The following FAM221A variants were observed in gnomAD, a reference collection of about 807,000 sequenced individuals.
FAM221A encodes the protein family with sequence similarity 221 member A, also known as protein FAM221A.
Under a neutral mutation model 37.6 loss-of-function variants are expected in FAM221A, and 43 were observed. The ratio of observed to expected loss-of-function variants is 1.15; its 90% CI spans 0.90 to 1.48. FAM221A has a LOEUF of 1.48. Among genes scored for constraint, FAM221A ranks in the 40% most tolerant of loss-of-function variants. FAM221A has a pLI of 0.00. For synonymous variants in FAM221A, 135 were observed against 132.9 expected (o/e 1.02, Z -0.11); for missense variants, 361 against 361.5 (o/e 1.00, Z 0.01).
At chr7:23,684,861 G>A (rs975696207) in intron 2 of FAM221A, among the ~76,000 whole-genome samples, 189 bp downstream of exon 2, 2 of 152,178 alleles carry the variant, frequency 1.3e-5, no homozygotes, top group Admixed American at 6.5e-5. Flanking sequence ...CGAGGCCGGA[G>A]GACTGCTTGA....
intron 4 of FAM221A, among the ~76,000 whole-genome samples, chr7:23,696,336 T>G (rs1785058755): frequency 6.6e-6 from 1 of 152,208 alleles, no homozygotes; most frequent in African/African-American, 2.4e-5. Context: ...GGCAGGCAGA[T>G]CGCTTGAGCC....
intron 4 of FAM221A, chr7:23,693,827 T>A (rs1193781931): frequency 1.3e-5 from 2 of 152,196 alleles, no homozygotes; most frequent in African/African-American, 2.4e-5. Context: ...TCTACCATAT[T>A]CTTTATTTTT....
At chr7:23,686,221 T>C in intron 2 of FAM221A, 3 of 385,260 alleles carry the variant, frequency 7.8e-6, no homozygotes, top group Non-Finnish European at 1.5e-5. Context: ...AATCTCTGTA[T>C]AACTTATACA....
chr7:23,698,636 G>A (rs117262299), intron 5 of FAM221A, among the ~76,000 whole-genome samples: 3 of 152,314 alleles, frequency 2.0e-5, no homozygotes, highest in African/African-American at 4.8e-5. Flanking sequence ...CCAAAGAGGC[G>A]TAATCCAGTG....
intron 4 of FAM221A, chr7:23,692,187 A>G: frequency 1.0e-6 from 1 of 973,172 alleles, no homozygotes; most frequent in Non-Finnish European, 1.2e-6. Context: ...TTAAAGGTAG[A>G]TGGATCCTTC....
At position 23,691,492 on chromosome 7, in the gene FAM221A, A is replaced by C. The variant is rs150443288; in HGVS notation, c.533A>C (p.Gln178Pro). Residue 178 changes from glutamine (Q) to proline (P), a missense_variant, in exon 4 of 7, where the codon CAG becomes CCG. Gln to Pro is a moderately conservative substitution (Grantham distance 76). Coordinates refer to ENST00000344962, the MANE Select transcript of FAM221A (RefSeq NM_199136.5). ...GAAACTAAGCAAGAAAGATTGGCTC[A>C]GGAAAAACCAGTGGGACAGGACATT... Reference protein sequence around the residue: ...VVETKQERLAQEKPVGQDIPY... With the variant: ...VVETKQERLAPEKPVGQDIPY... 6.8e-6 allele frequency: 11 copies of C among 1,614,138 alleles called. No individual in the cohort carries two copies. In the African/African-American group the frequency reaches 1.5e-4, roughly 22 times the overall value.
intron 1 of FAM221A, 149 bp from the exon 2 acceptor site, chr7:23,684,350 A>T: frequency 3.2e-6 from 2 of 622,808 alleles, no homozygotes; most frequent in Non-Finnish European, 2.7e-6. Context: ...AACAGTTGTT[A>T]CAGAGACCCG....
intron 1 of FAM221A, among the ~76,000 whole-genome samples, chr7:23,681,344 T>C (rs1344946623): frequency 6.6e-6 from 1 of 152,202 alleles, no homozygotes; most frequent in South Asian, 2.1e-4. Context: ...ATTGTGGGCC[T>C]CCAGTTGACT....
At chr7:23,692,628 C>A in intron 4 of FAM221A, 1 of 983,418 alleles carries the variant, frequency 1.0e-6, no homozygotes, top group Non-Finnish European at 1.2e-6. Context: ...AGGCTTCAGC[C>A]ACCACGCCAG....
intron 1 of FAM221A, chr7:23,680,815 G>A (rs1193483073): frequency 1.3e-5 from 2 of 152,450 alleles, no homozygotes; most frequent in African/African-American, 4.8e-5. Flanking sequence ...TCCTGACCGA[G>A]GCTGGTGCAC....
Position 23,702,405 on chromosome 7 carries a change from AGTCT to A in FAM221A, c.*247_*250del, listed in dbSNP as rs1187940492. The stretch of plus-strand genomic sequence containing the variant: ...CTGACAAATGAGGTTATTTTATATG[AGTCT>A]GTCTGAGAGTACAGTAAATGTTTTT... On this transcript the variant is annotated 3_prime_UTR_variant, in exon 7 of 7. Coordinates refer to ENST00000344962, the MANE Select transcript of FAM221A (RefSeq NM_199136.5). 6 of 270,318 alleles carry A rather than the reference AGTCT, an allele frequency of 2.2e-5. No individual in the cohort carries two copies. The highest frequency in any genetic ancestry group is 1.2e-4 in the South Asian group (1 of 8,220). The allele number at this position is 270,318 out of a possible 1,614,324, so 16.7% of individuals were successfully genotyped here.
intron 1 of FAM221A, among the ~76,000 whole-genome samples, chr7:23,682,396 T>C (rs1784096654): frequency 7.0e-6 from 1 of 143,632 alleles, no homozygotes; most frequent in Non-Finnish European, 1.5e-5. Flanking sequence ...TGTGTGTGTG[T>C]GTATGTATAT....
At chr7:23,700,051 T>C (rs560970669) in intron 5 of FAM221A, among the ~76,000 whole-genome samples, 172 of 152,320 alleles carry the variant, frequency 1.1e-3, no homozygotes, top group Non-Finnish European at 2.2e-3. Context: ...AATAAAACTT[T>C]TGTCAAAGAT....
chr7:23,696,588 CT>C (rs1197746214), intron 4 of FAM221A, among the ~76,000 whole-genome samples: 1 of 152,106 alleles, frequency 6.6e-6, no homozygotes, highest in Non-Finnish European at 1.5e-5. Context: ...AAATGTTACA[CT>C]TTTATAGGGC....
intron 3 of FAM221A, among the ~76,000 whole-genome samples, chr7:23,690,361 C>T (rs550211783): frequency 5.7e-4 from 86 of 151,408 alleles, no homozygotes; most frequent in African/African-American, 2.0e-3. Flanking sequence ...CCCGCCACCA[C>T]GCCCGGCTAA....
At position 23,689,397 on chromosome 7, in the gene FAM221A, G is replaced by A. The variant is rs138938244; in HGVS notation, c.368G>A (p.Arg123His). 1.2e-4 allele frequency: 196 copies of A among 1,606,836 alleles called. 1 individual carries two copies. The African/African-American group carries it at 2.0e-3, about 16-fold the overall frequency. Residue 123 changes from arginine (R) to histidine (H), a missense_variant, in exon 3 of 7, where the codon CGC becomes CAC. Physicochemically the swap from Arg to His is conservative, Grantham distance 29. Transcript: ENST00000344962. ...YVPLNGSQPI[R>H]CRCKHFADQH... is the part of the protein sequence containing the mutation. ...CCCTTGAATGGTAGCCAGCCCATTC[G>A]CTGCAGGTGCAAACACTTTGCTGAT...
At chr7:23,700,176 T>G (rs6968174) in intron 5 of FAM221A, among the ~76,000 whole-genome samples, 21,365 of 152,166 alleles carry the variant, frequency 0.14, 1,646 homozygotes, top group Middle Eastern at 0.19. Flanking sequence ...GTTGCTAGTC[T>G]GCTTTGGAAA....
chr7:23,684,496 T>C lies in FAM221A; in HGVS notation c.66-3T>C. ...TTAAGAGAAATATATATTTTTGTTGTAGAATTGTTGGTGAGGATGATGGAG... is the reference window on the plus strand; with the variant it reads ...TTAAGAGAAATATATATTTTTGTTGCAGAATTGTTGGTGAGGATGATGGAG... On this transcript the variant is annotated splice_region_variant and splice_polypyrimidine_tract_variant and intron_variant, in intron 1 of 6. Coordinates refer to ENST00000344962, the MANE Select transcript of FAM221A (RefSeq NM_199136.5). 6.3e-7 allele frequency: 1 copy of C among 1,575,588 alleles called. No individual in the cohort carries two copies. The highest frequency in any genetic ancestry group is 8.6e-7 in the Non-Finnish European group (1 of 1,158,802).
chr7:23,695,156 T>C (rs1405640691), intron 4 of FAM221A, among the ~76,000 whole-genome samples: 3 of 151,708 alleles, frequency 2.0e-5, no homozygotes, highest in African/African-American at 7.3e-5. Flanking sequence ...TTTATATTTT[T>C]TTTAGAGACA....
Sources: gnomAD v4.1 joint callset for allele counts (sites outside exome capture counted in the v4.1 genomes callset) on GRCh38, gnomAD v4.1.1 for gene constraint, MANE v1.5 for transcripts, NCBI Gene and HGNC (gene_info 2026-07-23, HGNC 2026-07-21) for gene names.